The following PRR16 variants were observed in gnomAD, a reference collection of about 807,000 sequenced individuals.
PRR16 encodes proline rich 16.
Under a neutral mutation model 18.2 loss-of-function variants are expected in PRR16, and 6 were observed. The ratio of observed to expected loss-of-function variants is 0.33; its 90% CI spans 0.18 to 0.65. PRR16 has a LOEUF of 0.65. PRR16 is among the 30% of genes least tolerant of loss of function. PRR16 has a pLI of 0.74. For synonymous variants in PRR16, 151 were observed against 147.8 expected (o/e 1.02, Z -0.16); for missense variants, 412 against 376.6 (o/e 1.09, Z -0.78).
chr5:120,619,559 A>G (rs917711912), intron 1 of PRR16, among the ~76,000 whole-genome samples: 2 of 152,114 alleles, frequency 1.3e-5, no homozygotes, highest in African/African-American at 4.8e-5. Context: ...TTGTCACTCA[A>G]AATGGTTTGT....
chr5:120,721,643 T>C, the PRR16 span, among the ~76,000 whole-genome samples: 4 of 152,058 alleles, frequency 2.6e-5, no homozygotes, highest in Non-Finnish European at 5.9e-5. Context: ...AGCCATGTTA[T>C]ATGGGACTTT....
intron 1 of PRR16, among the ~76,000 whole-genome samples, chr5:120,627,894 T>C (rs990809052): frequency 1.3e-5 from 2 of 152,150 alleles, no homozygotes; most frequent in African/African-American, 4.8e-5. Flanking sequence ...CTCTCTTCTT[T>C]CTTAGTGTTT....
chr5:120,640,553 T>C (rs1012749174), intron 1 of PRR16, among the ~76,000 whole-genome samples: 1 of 152,042 alleles, frequency 6.6e-6, no homozygotes, highest in Non-Finnish European at 1.5e-5. Flanking sequence ...TGAGGAAAAA[T>C]AGTGTTTTAT....
the PRR16 span, among the ~76,000 whole-genome samples, chr5:120,753,851 A>G: frequency 1.8e-5 from 2 of 109,794 alleles, no homozygotes; most frequent in East Asian, 2.7e-4. Flanking sequence ...CTTATATATT[A>G]TATATAATAT....
the PRR16 span, among the ~76,000 whole-genome samples, chr5:120,720,593 A>T: frequency 1.3e-5 from 2 of 152,038 alleles, no homozygotes; most frequent in Non-Finnish European, 2.9e-5. Context: ...TTGGGTGGAT[A>T]GTTGGAATCC....
At chr5:120,793,806 G>A in the PRR16 span, among the ~76,000 whole-genome samples, 1 of 152,094 alleles carries the variant, frequency 6.6e-6, no homozygotes, top group African/African-American at 2.4e-5. Context: ...ATCATATAAT[G>A]TACTTACATG....
At position 120,686,659 on chromosome 5, in the gene PRR16, C is replaced by G. The variant is rs201522759; in HGVS notation, c.865C>G (p.Pro289Ala). ...TGCAACTGTGCCTCCTCCCACTGCA[C>G]CAAAACCACAGAAGACGATCTTGAG... ...RPATVPPPTA[P>A]KPQKTILRKS... The change falls in exon 2 of 2, where the codon CCA (proline) becomes GCA (alanine). Residue 289 changes from proline to alanine, a missense_variant. Transcript: ENST00000407149. 6.3e-7 allele frequency: 1 copy of G among 1,582,244 alleles called. No individual in the cohort carries two copies. Among genetic ancestry groups the G allele is most frequent in the East Asian group, 2.2e-5 (1 of 44,494 alleles).
At chr5:120,765,102 C>T in the PRR16 span, among the ~76,000 whole-genome samples, 9 of 129,046 alleles carry the variant, frequency 7.0e-5, no homozygotes, top group East Asian at 1.7e-3. Context: ...TATGTATGTT[C>T]TACTTATAAC....
Position 120,577,427 on chromosome 5 carries a change from T to C in PRR16, c.160-108527T>C, listed in dbSNP as rs535480405. ...CCCACAGACAATAATTTGACTGGCA[T>C]ACTAGTTCAGTTTTGAGGAAACCAA... On this transcript the variant is annotated intron_variant, in intron 1 of 1. Transcript: ENST00000407149. 1.8e-4 allele frequency among the ~76,000 whole-genome samples: 27 copies of C among 151,838 alleles called. No homozygotes were observed. In the South Asian group the frequency reaches 5.2e-3, roughly 29 times the overall value.
chr5:120,480,483 A>C (rs894278188), intron 1 of PRR16, among the ~76,000 whole-genome samples: 2 of 152,184 alleles, frequency 1.3e-5, no homozygotes, highest in Admixed American at 1.3e-4. Context: ...TTTTGCTCAT[A>C]ATGTTTTTCT....
chr5:120,704,536 C>T, the PRR16 span, among the ~76,000 whole-genome samples: 1 of 152,100 alleles, frequency 6.6e-6, no homozygotes, highest in Admixed American at 6.5e-5. Context: ...AACTAGAGCA[C>T]CAATGTACTC....
At position 120,569,654 on chromosome 5, in the gene PRR16, A is replaced by G. The variant is rs1400901124; in HGVS notation, c.159+105009A>G. Among the ~76,000 whole-genome samples, 3 of 152,248 alleles carry G rather than the reference A, an allele frequency of 2.0e-5. No homozygotes were observed. In the East Asian group the frequency reaches 5.8e-4, roughly 29 times the overall value. ...GATAAGAACAAAACATCACCCCACA[A>G]AGAAGCAGCAGAAAAATGCCACGGT... On this transcript the variant is annotated intron_variant, in intron 1 of 1. Transcript: ENST00000407149.
intron 1 of PRR16, among the ~76,000 whole-genome samples, chr5:120,604,073 T>G (rs1293063271): frequency 6.6e-6 from 1 of 151,744 alleles, no homozygotes; most frequent in East Asian, 1.9e-4. Flanking sequence ...TAGGTCCATT[T>G]GTTCAAATGC....
intron 1 of PRR16, among the ~76,000 whole-genome samples, chr5:120,600,877 G>T (rs549840564): frequency 6.6e-6 from 1 of 151,864 alleles, no homozygotes; most frequent in Non-Finnish European, 1.5e-5. Context: ...CCTCCAGCTT[G>T]CATCCGTGTT....
At chr5:120,556,934 C>T (rs988975629) in intron 1 of PRR16, among the ~76,000 whole-genome samples, 3 of 150,878 alleles carry the variant, frequency 2.0e-5, no homozygotes, top group African/African-American at 4.9e-5. Flanking sequence ...AACCAGTAGA[C>T]CCAACTGCTA....
At chr5:120,788,114 G>T in the PRR16 span, among the ~76,000 whole-genome samples, 1 of 151,692 alleles carries the variant, frequency 6.6e-6, no homozygotes, top group East Asian at 1.9e-4. Flanking sequence ...GCTCACTACC[G>T]CCGTGTTCAT....
At chr5:120,767,319 G>A in the PRR16 span, among the ~76,000 whole-genome samples, 1 of 151,876 alleles carries the variant, frequency 6.6e-6, no homozygotes, top group African/African-American at 2.4e-5. Flanking sequence ...CATAGAAGTA[G>A]GCAATATGTT....
the PRR16 span, among the ~76,000 whole-genome samples, chr5:120,782,397 T>C: frequency 6.6e-6 from 1 of 152,296 alleles, no homozygotes; most frequent in Middle Eastern, 3.4e-3. Context: ...ACCATCTTGA[T>C]GATTTTAATT....
chr5:120,712,418 A>G, the PRR16 span, among the ~76,000 whole-genome samples: 2 of 152,070 alleles, frequency 1.3e-5, no homozygotes, highest in East Asian at 3.9e-4. Flanking sequence ...GTTTCTATGT[A>G]TTTGACTTTT....
Sources: gnomAD v4.1 joint callset for allele counts (sites outside exome capture counted in the v4.1 genomes callset) on GRCh38, gnomAD v4.1.1 for gene constraint, MANE v1.5 for transcripts, NCBI Gene and HGNC (gene_info 2026-07-23, HGNC 2026-07-21) for gene names.